Variants in POLR1A observed in about 807,000 individuals in gnomAD.
POLR1A encodes the protein RNA polymerase I subunit A, also known as DNA-directed RNA polymerase I subunit RPA1.
Under a neutral mutation model 205.3 loss-of-function variants are expected in POLR1A, and 84 were observed. That is an observed-to-expected ratio of 0.41 (90% CI 0.34 to 0.49). The LOEUF is 0.49. POLR1A is among the 20% of genes least tolerant of loss of function. The probability of loss-of-function intolerance (pLI) is 0.22; values close to 1 mark genes in which losing one functional copy is unlikely to be tolerated. For synonymous variants in POLR1A, 799 were observed against 863.7 expected (o/e 0.93, Z 1.31); for missense variants, 1,645 against 2,204.5 (o/e 0.75, Z 5.08).
intron 24 of POLR1A, 119 bp downstream of exon 24, chr2:86,041,770 G>C: frequency 1.2e-6 from 1 of 819,978 alleles, no homozygotes; most frequent in Non-Finnish European, 2.0e-6. Flanking sequence ...CCTCCCTCTA[G>C]CTGAAGTCTC....
intron 26 of POLR1A, 136 bp downstream of exon 26, chr2:86,039,191 C>T: frequency 1.1e-6 from 1 of 943,978 alleles, no homozygotes; most frequent in Non-Finnish European, 1.6e-6. Context: ...CAGCACCTGG[C>T]AGAGACAGCT....
intron 14 of POLR1A, among the ~76,000 whole-genome samples, chr2:86,064,957 T>C (rs1673060841): frequency 6.6e-6 from 1 of 152,034 alleles, no homozygotes; most frequent in South Asian, 2.1e-4. Flanking sequence ...GTACTTTTAG[T>C]AGAGATAGGG....
intron 7 of POLR1A, among the ~76,000 whole-genome samples, chr2:86,082,610 G>A (rs957510418): frequency 1.3e-5 from 2 of 151,480 alleles, no homozygotes; most frequent in Non-Finnish European, 2.9e-5. Context: ...AGAGGTTATA[G>A]TCAGCGTTCC....
chr2:86,054,914 G>T (rs185250870), intron 14 of POLR1A, among the ~76,000 whole-genome samples: 2 of 152,234 alleles, frequency 1.3e-5, no homozygotes, highest in African/African-American at 2.4e-5. Flanking sequence ...GGGGCAGACC[G>T]GCAGGTGTGA....
chr2:86,040,039 T>C, intron 25 of POLR1A: 1 of 222,240 alleles, frequency 4.5e-6, no homozygotes. Flanking sequence ...GCACGTTCTA[T>C]GTGAATGGCT....
Position 86,024,841 on chromosome 2 carries a change from A to G in POLR1A, c.*2582T>C, listed in dbSNP as rs1359245202. 1 of 152,248 alleles carries G rather than the reference A, an allele frequency of 6.6e-6. No individual in the cohort carries two copies. The highest frequency in any genetic ancestry group is 1.5e-5 in the Non-Finnish European group (1 of 68,058). The allele number at this position is 152,248 out of a possible 1,614,324, so 9.4% of individuals were successfully genotyped here. On this transcript the variant is annotated 3_prime_UTR_variant, in exon 34 of 34. Coordinates refer to ENST00000263857, the MANE Select transcript of POLR1A (RefSeq NM_015425.6). The stretch of plus-strand genomic sequence containing the variant: ...GCTAATGGCATCTGAGGATTCTGAA[A>G]GAACTCATAGCTCTGGCCGGCACAG...
intron 14 of POLR1A, among the ~76,000 whole-genome samples, chr2:86,061,322 C>T (rs759366175): frequency 2.0e-5 from 3 of 152,178 alleles, no homozygotes; most frequent in Non-Finnish European, 2.9e-5. Flanking sequence ...TGGAGCACAT[C>T]TGTAATCCCA....
intron 4 of POLR1A, 84 bp downstream of exon 4, chr2:86,089,738 A>G: frequency 3.5e-6 from 3 of 858,480 alleles, no homozygotes; most frequent in South Asian, 2.9e-5. Flanking sequence ...TTGGGAAGCC[A>G]GAAGTATATG....
intron 13 of POLR1A, among the ~76,000 whole-genome samples, chr2:86,065,994 TGAA>T (rs1301791770): frequency 6.6e-6 from 1 of 152,198 alleles, no homozygotes; most frequent in African/African-American, 2.4e-5. Context: ...TCCTTTATGA[TGAA>T]GAAGAACTAG....
intron 9 of POLR1A, among the ~76,000 whole-genome samples, chr2:86,079,696 G>A (rs1054758937): frequency 6.6e-6 from 1 of 152,074 alleles, no homozygotes; most frequent in African/African-American, 2.4e-5. Flanking sequence ...CTGAGTAGCT[G>A]GCACCATAGG....
chr2:86,075,651 G>C (rs747430160), intron 11 of POLR1A, among the ~76,000 whole-genome samples: 2 of 152,076 alleles, frequency 1.3e-5, no homozygotes, highest in South Asian at 2.1e-4. Context: ...TGGGATTACA[G>C]GCACACACTA....
At chr2:86,048,629 A>G (rs1672747676) in intron 18 of POLR1A, among the ~76,000 whole-genome samples, 1 of 152,208 alleles carries the variant, frequency 6.6e-6, no homozygotes. Flanking sequence ...AAATAAAAAC[A>G]TTTATAAAGA....
At chr2:86,045,526 TTCTGCCCTACCCTG>T in intron 20 of POLR1A, 77 bp downstream of exon 20, 2 of 1,415,530 alleles carry the variant, frequency 1.4e-6, no homozygotes, top group Middle Eastern at 3.8e-4. Flanking sequence ...CCCCAGTGTC[TTCTGCCCTACCCTG>T]TAGGGCAGTC....
intron 16 of POLR1A, 144 bp downstream of exon 16, chr2:86,052,673 G>C: frequency 1.7e-6 from 1 of 585,340 alleles, no homozygotes; most frequent in Non-Finnish European, 2.8e-6. Context: ...GTGCACTGGG[G>C]ACCTGGAAAG....
rs878864308 is a variant in POLR1A at position 86,077,807 on chromosome 2, G to A, written c.1380+52C>T. On this transcript the variant is annotated intron_variant, in intron 11 of 33. Coordinates refer to ENST00000263857, the MANE Select transcript of POLR1A (RefSeq NM_015425.6). ...GGGAGCAAATGAGCCCTGCACGCGC[G>A]CGCGCACACACACACACACACACAC... 18 of 1,008,676 alleles carry A rather than the reference G, an allele frequency of 1.8e-5. 1 individual carries two copies. The African/African-American group carries it at 2.4e-4, about 13-fold the overall frequency. The allele number at this position is 1,008,676 out of a possible 1,614,324, so 62.5% of individuals were successfully genotyped here.
At chr2:86,047,803 A>G (rs866460904) in intron 18 of POLR1A, among the ~76,000 whole-genome samples, 2 of 152,268 alleles carry the variant, frequency 1.3e-5, no homozygotes, top group South Asian at 4.1e-4. Flanking sequence ...AGATGCTGAG[A>G]AGGGGGCTCT....
At chr2:86,034,659 T>C (rs944930943) in intron 27 of POLR1A, among the ~76,000 whole-genome samples, 1 of 152,080 alleles carries the variant, frequency 6.6e-6, no homozygotes, top group Non-Finnish European at 1.5e-5. Context: ...ATCGGGTCCC[T>C]CACACATCCA....
intron 22 of POLR1A, 130 bp downstream of exon 22, chr2:86,044,009 T>C (rs1672664837): frequency 2.5e-6 from 2 of 795,170 alleles, no homozygotes; most frequent in Non-Finnish European, 2.0e-6. Flanking sequence ...CGGTGTCTTA[T>C]AAACCCTTCC....
At chr2:86,082,003 T>G (rs1481785967) in intron 7 of POLR1A, among the ~76,000 whole-genome samples, 1 of 152,042 alleles carries the variant, frequency 6.6e-6, no homozygotes, top group Non-Finnish European at 1.5e-5. Context: ...AGCTAATTTT[T>G]GTATTTTTTT....
Sources: gnomAD v4.1 joint callset for allele counts (sites outside exome capture counted in the v4.1 genomes callset) on GRCh38, gnomAD v4.1.1 for gene constraint, MANE v1.5 for transcripts, NCBI Gene and HGNC (gene_info 2026-07-23, HGNC 2026-07-21) for gene names.